MAMLD1: variants seen among roughly 807,000 people sequenced by gnomAD.
MAMLD1 encodes mastermind-like domain-containing protein 1.
In MAMLD1, 14 loss-of-function variants were observed where a neutral mutation model predicts 45.0. The ratio of observed to expected loss-of-function variants is 0.31; its 90% CI spans 0.21 to 0.49. The LOEUF (loss-of-function observed/expected upper bound fraction) is 0.49. Ranked by LOEUF, MAMLD1 falls within the 20% of genes least tolerant of loss-of-function variation. MAMLD1 has a pLI of 0.99. For missense variants in MAMLD1, 543 were observed against 603.6 expected, an observed-to-expected ratio of 0.90 and a Z score of 1.05; for synonymous variants, 254 against 247.8, an observed-to-expected ratio of 1.02 and a Z score of -0.24.
intron 2 of MAMLD1, among the ~76,000 whole-genome samples, chrX:150,446,949 G>A (rs1317299985): frequency 4.4e-5 from 5 of 112,379 alleles, no homozygotes; most frequent in African/African-American, 1.6e-4. Context: ...AGAAAGTGTT[G>A]ATGGATTGTG....
chrX:150,363,937 T>TCACATGCCAGCTGCCTGAG (rs2031179395), intron 1 of MAMLD1, among the ~76,000 whole-genome samples: 1 of 113,169 alleles, frequency 8.8e-6, no homozygotes, highest in African/African-American at 3.2e-5. Context: ...GACGGTGCCT[T>TCACATGCCAGCTGCCTGAG]CACATGCCAG....
chrX:150,413,933 C>T (rs1367388131), intron 1 of MAMLD1, among the ~76,000 whole-genome samples: 2 of 99,865 alleles, frequency 2.0e-5, no homozygotes, highest in South Asian at 5.1e-4. Flanking sequence ...CCAGGGCAAA[C>T]GACATGCTAG....
At chrX:150,457,863 G>A (rs1557405414) in intron 2 of MAMLD1, among the ~76,000 whole-genome samples, 1 of 112,547 alleles carries the variant, frequency 8.9e-6, no homozygotes, top group Non-Finnish European at 1.9e-5. Context: ...CTAGATAGTG[G>A]TGATAGTTGC....
intron 2 of MAMLD1, among the ~76,000 whole-genome samples, chrX:150,453,359 CAGA>C (rs1224211440): frequency 1.1e-4 from 12 of 112,187 alleles, no homozygotes; most frequent in South Asian, 3.7e-4. Flanking sequence ...TGGGCCATCA[CAGA>C]AGAAGTTTGC....
At chrX:150,451,950 T>C (rs1157982972) in intron 2 of MAMLD1, among the ~76,000 whole-genome samples, 1 of 111,429 alleles carries the variant, frequency 9.0e-6, no homozygotes, top group East Asian at 2.8e-4. Flanking sequence ...CCCTCTCAAG[T>C]CCCCATCCAG....
chrX:150,430,769 G>A (rs1274551383), intron 1 of MAMLD1, among the ~76,000 whole-genome samples: 1 of 111,738 alleles, frequency 8.9e-6, no homozygotes, highest in African/African-American at 3.3e-5. Flanking sequence ...AATCAGTTTG[G>A]CGTATCTACG....
intron 5 of MAMLD1, among the ~76,000 whole-genome samples, chrX:150,496,327 A>G (rs1316551314): frequency 2.7e-5 from 3 of 112,798 alleles, no homozygotes; most frequent in Non-Finnish European, 5.6e-5. Flanking sequence ...CTCCAGGTTC[A>G]GCTTCCAGCT....
At chrX:150,384,384 C>A in intron 1 of MAMLD1, among the ~76,000 whole-genome samples, 1 of 111,976 alleles carries the variant, frequency 8.9e-6, no homozygotes, top group Non-Finnish European at 1.9e-5. Context: ...CATCTTTTCA[C>A]GTGCTTTATT....
chrX:150,432,543 A>T (rs1204498578), intron 1 of MAMLD1, among the ~76,000 whole-genome samples: 1 of 112,070 alleles, frequency 8.9e-6, no homozygotes, highest in African/African-American at 3.2e-5. Context: ...GGATTTTTAT[A>T]GTTTGAAGTA....
chrX:150,469,113 C>A (rs1004383234), intron 3 of MAMLD1, among the ~76,000 whole-genome samples: 1 of 111,892 alleles, frequency 8.9e-6, no homozygotes, highest in Non-Finnish European at 1.9e-5. Flanking sequence ...ACATCCAGAT[C>A]TACTTCTTTC....
At chrX:150,449,588 G>C (rs1448190470) in intron 2 of MAMLD1, among the ~76,000 whole-genome samples, 1 of 111,596 alleles carries the variant, frequency 9.0e-6, no homozygotes, top group African/African-American at 3.3e-5. Context: ...TCAGGAAGGA[G>C]TCCTCAGACT....
chrX:150,367,724 G>A (rs906172910), intron 1 of MAMLD1, among the ~76,000 whole-genome samples: 33 of 81,889 alleles, frequency 4.0e-4, no homozygotes, highest in Middle Eastern at 5.8e-3. Flanking sequence ...CCCACCCCAC[G>A]ACAGGCCCCG....
intron 1 of MAMLD1, among the ~76,000 whole-genome samples, chrX:150,433,552 A>G (rs1246007624): frequency 1.8e-5 from 2 of 111,984 alleles, no homozygotes; most frequent in Admixed American, 1.9e-4. Flanking sequence ...GGCTTATCAT[A>G]GATGGCTCTT....
Position 150,491,047 on chromosome X carries a change from T to C in MAMLD1, c.2041-12227T>C, listed in dbSNP as rs142755972. 4.4e-3 allele frequency among the ~76,000 whole-genome samples: 497 copies of C among 111,845 alleles called. 3 individuals carry two copies. The highest frequency in any genetic ancestry group is 0.015 in the African/African-American group (464 of 30,777). Reference sequence around the variant, plus strand: ...ATCTGACTTGTAGGCCAGAGTTCTTTATACTGGTGAGGGTAGGGGTGGAGG... The same window carrying C: ...ATCTGACTTGTAGGCCAGAGTTCTTCATACTGGTGAGGGTAGGGGTGGAGG... On this transcript the variant is annotated intron_variant, in intron 5 of 7. Transcript: ENST00000370401.
At chrX:150,434,690 C>T (rs1193183996) in intron 1 of MAMLD1, among the ~76,000 whole-genome samples, 1 of 111,902 alleles carries the variant, frequency 8.9e-6, no homozygotes, top group East Asian at 2.8e-4. Flanking sequence ...TTCAGGAGGA[C>T]GTTGTTTAAT....
chrX:150,469,699 C>G, intron 3 of MAMLD1, 46 bp from the exon 4 acceptor site: 1 of 1,015,315 alleles, frequency 9.8e-7, no homozygotes, highest in Non-Finnish European at 1.4e-6. Flanking sequence ...CCTCTCTTCC[C>G]TTCTCCTCTC....
intron 5 of MAMLD1, among the ~76,000 whole-genome samples, chrX:150,474,050 C>T (rs111465962): frequency 1.8e-5 from 2 of 112,306 alleles, no homozygotes; most frequent in East Asian, 2.8e-4. Context: ...AGGCAAGAAG[C>T]TGGGTCCCCA....
intron 5 of MAMLD1, among the ~76,000 whole-genome samples, chrX:150,495,245 G>T (rs782675493): frequency 4.0e-5 from 4 of 99,380 alleles, no homozygotes; most frequent in African/African-American, 1.4e-4. Flanking sequence ...AACAGCAACA[G>T]CAAAAAACCT....
chrX:150,473,750 C>G lies in MAMLD1; in HGVS notation c.1988C>G (p.Ser663Cys). The G allele has an allele frequency of 8.3e-7, 1 of 1,207,854 alleles. No homozygotes were observed. Among genetic ancestry groups the G allele is most frequent in the Non-Finnish European group, 1.1e-6 (1 of 891,707 alleles). Residue 663 changes from serine to cysteine, a missense_variant, in exon 5 of 8, where the codon TCT becomes TGT. Transcript: ENST00000370401. ...SVKPQHQHGNSFTSRQDPQPG... is the reference protein window; with the variant it reads ...SVKPQHQHGNCFTSRQDPQPG... ...AAGCCCCAGCATCAACACGGGAACT[C>G]TTTCACTAGCAGGCAAGATCCTCAG...
Sources: gnomAD v4.1 joint callset for allele counts (sites outside exome capture counted in the v4.1 genomes callset) on GRCh38, gnomAD v4.1.1 for gene constraint, MANE v1.5 for transcripts, NCBI Gene and HGNC (gene_info 2026-07-23, HGNC 2026-07-21) for gene names.